The following ALKBH8 variants were observed in gnomAD, a reference collection of about 807,000 sequenced individuals.
The protein encoded by ALKBH8 is tRNA (carboxymethyluridine(34)-5-O)-methyltransferase ALKBH8.
ALKBH8 carries 36 observed loss-of-function variants against 59.8 expected under a neutral mutation model. That is an observed-to-expected ratio of 0.60 (90% CI 0.46 to 0.79). The LOEUF is 0.79. Ranked by LOEUF, ALKBH8 falls within the 30% of genes least tolerant of loss-of-function variation. The probability of loss-of-function intolerance (pLI) is 0.00; values close to 1 mark genes in which losing one functional copy is unlikely to be tolerated. For missense variants in ALKBH8, 768 were observed against 801.0 expected (o/e 0.96, Z 0.50); for synonymous variants, 276 against 273.6 (o/e 1.01, Z -0.09).
chr11:107,511,791 G>T (rs1397580912), intron 10 of ALKBH8, among the ~76,000 whole-genome samples: 1 of 151,858 alleles, frequency 6.6e-6, no homozygotes, highest in Non-Finnish European at 1.5e-5. Context: ...GGTCAGGCTG[G>T]TCTCGAACTC....
chr11:107,504,461 C>A lies in ALKBH8; in HGVS notation c.*197G>T. 1 of 710,462 alleles carries A rather than the reference C, an allele frequency of 1.4e-6. No homozygotes were observed. Among genetic ancestry groups the A allele is most frequent in the South Asian group, 1.6e-5 (1 of 63,146 alleles). The allele number at this position is 710,462 out of a possible 1,614,324, so 44.0% of individuals were successfully genotyped here. A position where few individuals can be genotyped will look rare whatever the true frequency, so the allele number is the denominator to read the frequency against. On this transcript the variant is annotated 3_prime_UTR_variant, in exon 12 of 12. Transcript: ENST00000428149. Reference sequence around the variant, plus strand: ...CCTCTCCTAGGGAAGTAGGAGGAGCCAACACCACATCTGTGATGTCAGCCA... The same window carrying A: ...CCTCTCCTAGGGAAGTAGGAGGAGCAAACACCACATCTGTGATGTCAGCCA...
intron 11 of ALKBH8, among the ~76,000 whole-genome samples, chr11:107,508,885 C>T (rs989814545): frequency 3.3e-5 from 5 of 152,170 alleles, no homozygotes; most frequent in Non-Finnish European, 2.9e-5. Flanking sequence ...AGGTACATAG[C>T]ATGTTTTGTT....
At position 107,534,068 on chromosome 11, in the gene ALKBH8, T is replaced by TGCA. The variant is rs1481772695; in HGVS notation, c.772-1665_772-1663dup. 2.0e-5 allele frequency among the ~76,000 whole-genome samples: 3 copies of TGCA among 152,100 alleles called. No homozygotes were observed. In the East Asian group the frequency reaches 5.8e-4, roughly 29 times the overall value. On this transcript the variant is annotated intron_variant, in intron 7 of 11. Transcript: ENST00000428149. ...TTACTTGAACCCAGGAGGCGGAGGT[T>TGCA]GCAGGGAGCTGAGTTCACGCCACTA...
chr11:107,521,001 A>G (rs1863087468), intron 10 of ALKBH8, among the ~76,000 whole-genome samples: 1 of 151,662 alleles, frequency 6.6e-6, no homozygotes, highest in Admixed American at 6.6e-5. Flanking sequence ...ACTGTATTAC[A>G]TATCATAAGT....
chr11:107,528,854 A>G (rs1334216227), intron 8 of ALKBH8, among the ~76,000 whole-genome samples: 1 of 152,230 alleles, frequency 6.6e-6, no homozygotes. Context: ...ATAATAGTTC[A>G]ATATAATAGA....
chr11:107,505,163 C>T lies in ALKBH8; in HGVS notation c.1490G>A (p.Gly497Glu). ...TGCCCAGACATAAATGAGTGCCTTC[C>T]CACCTGGTCTCAGGAGTCGAACAAT... is the stretch of plus-strand genomic sequence containing the variant. ...QEIVRLLRPG[G>E]KALIYVWAME... Residue 497 changes from glycine to glutamate, a missense_variant, in exon 12 of 12, where the codon GGG becomes GAG. Physicochemically the swap from Gly to Glu is moderately conservative, Grantham distance 98 (BLOSUM62 -2). Coordinates refer to ENST00000428149, the MANE Select transcript of ALKBH8 (RefSeq NM_138775.3). The T allele has an allele frequency of 1.3e-6, 2 of 1,550,784 alleles. No individual in the cohort carries two copies. The highest frequency in any genetic ancestry group is 1.7e-6 in the Non-Finnish European group (2 of 1,146,672).
At chr11:107,555,089 C>T (rs564181814) in intron 3 of ALKBH8, among the ~76,000 whole-genome samples, 289 of 152,172 alleles carry the variant, frequency 1.9e-3, no homozygotes, top group Middle Eastern at 6.8e-3. Flanking sequence ...AAAACCCCGT[C>T]TCTACTAAAA....
intron 9 of ALKBH8, among the ~76,000 whole-genome samples, chr11:107,523,602 C>T (rs1591270124): frequency 1.0e-5 from 1 of 97,060 alleles, no homozygotes; most frequent in African/African-American, 3.8e-5. Flanking sequence ...AGAATAAATT[C>T]TTTTTTTTTT....
rs1863313985 is a variant in ALKBH8 at position 107,525,506 on chromosome 11, AAAGTT to A, written c.960_964del (p.Leu320PhefsTer13). 2 of 1,543,178 alleles carry A rather than the reference AAAGTT, an allele frequency of 1.3e-6. No individual in the cohort carries two copies. Among genetic ancestry groups the A allele is most frequent in the African/African-American group, 1.4e-5 (1 of 72,320 alleles). On this transcript the variant is annotated frameshift_variant, in exon 9 of 12. Transcript: ENST00000428149. LOFTEE classifies it high-confidence loss of function. ...TGATGTTCGTAGTCCCCTCTTGCTT[AAAGTT>A]AAGTCTCCAACATCACTGGTGATAA...
rs545861184 is a variant in ALKBH8, at chr11:107,520,573, T to C, written c.1287+1726A>G. 2.6e-5 allele frequency among the ~76,000 whole-genome samples: 4 copies of C among 152,314 alleles called. No individual in the cohort carries two copies. The East Asian group carries it at 7.7e-4, about 29-fold the overall frequency. On this transcript the variant is annotated intron_variant, in intron 10 of 11. Coordinates refer to ENST00000428149, the MANE Select transcript of ALKBH8 (RefSeq NM_138775.3). ...CTACTGAGAAACATTTTTGGACGTA[T>C]CTTTAGATTAAAACACTAGAAAATA...
chr11:107,505,339 T>C, intron 11 of ALKBH8, 124 bp from the exon 12 acceptor site: 1 of 745,312 alleles, frequency 1.3e-6, no homozygotes, highest in East Asian at 2.8e-5. Context: ...ATATCTTATG[T>C]AAAACAAAAA....
intron 7 of ALKBH8, among the ~76,000 whole-genome samples, chr11:107,537,906 A>C (rs1820208187): frequency 6.6e-6 from 1 of 152,202 alleles, no homozygotes; most frequent in Non-Finnish European, 1.5e-5. Flanking sequence ...GAAAGACCAC[A>C]GAAGGAAAAG....
intron 11 of ALKBH8, among the ~76,000 whole-genome samples, chr11:107,505,500 C>T (rs953356524): frequency 4.6e-5 from 7 of 152,180 alleles, no homozygotes; most frequent in African/African-American, 1.7e-4. Context: ...CAACTGATGA[C>T]TTCTTCTAGG....
chr11:107,564,144 C>T (rs778755578), intron 1 of ALKBH8, among the ~76,000 whole-genome samples: 80 of 152,102 alleles, frequency 5.3e-4, no homozygotes, highest in Middle Eastern at 6.8e-3. Flanking sequence ...ATGCTGAGTC[C>T]GGTTCAGCCA....
At chr11:107,506,744 T>C (rs1446609525) in intron 11 of ALKBH8, among the ~76,000 whole-genome samples, 2 of 152,060 alleles carry the variant, frequency 1.3e-5, no homozygotes, top group Non-Finnish European at 2.9e-5. Flanking sequence ...ATAAAGAGGT[T>C]TCAGATACAC....
chr11:107,545,285 G>T (rs1300651114), intron 7 of ALKBH8, among the ~76,000 whole-genome samples: 2 of 152,074 alleles, frequency 1.3e-5, no homozygotes, highest in Non-Finnish European at 2.9e-5. Flanking sequence ...TGAAACATTT[G>T]TCCATTAAAA....
chr11:107,506,895 T>C (rs12419931), intron 11 of ALKBH8, among the ~76,000 whole-genome samples: 18,187 of 152,012 alleles, frequency 0.12, 1,309 homozygotes, highest in Admixed American at 0.21. Context: ...GAAATATAAA[T>C]GAAGGTTGAG....
At chr11:107,519,296 G>C (rs1020749774) in intron 10 of ALKBH8, among the ~76,000 whole-genome samples, 1 of 151,784 alleles carries the variant, frequency 6.6e-6, no homozygotes, top group Non-Finnish European at 1.5e-5. Flanking sequence ...GTAGAGATGA[G>C]GTTTCTCCAC....
chr11:107,516,907 T>C (rs1366023442), intron 10 of ALKBH8, among the ~76,000 whole-genome samples: 1 of 152,072 alleles, frequency 6.6e-6, no homozygotes. Flanking sequence ...ATGCCTATAG[T>C]GCCAGCTACT....
Sources: gnomAD v4.1 joint callset for allele counts (sites outside exome capture counted in the v4.1 genomes callset) on GRCh38, gnomAD v4.1.1 for gene constraint, MANE v1.5 for transcripts, NCBI Gene and HGNC (gene_info 2026-07-23, HGNC 2026-07-21) for gene names.